ASIC1: variants seen among roughly 807,000 people sequenced by gnomAD.
ASIC1 encodes acid sensing ion channel subunit 1, also known as acid-sensing ion channel 1.
In ASIC1, 21 loss-of-function variants were observed where a neutral mutation model predicts 63.4. That is an observed-to-expected ratio of 0.33 (90% CI 0.23 to 0.48). ASIC1 has a LOEUF of 0.48. Ranked by LOEUF, ASIC1 falls within the 20% of genes least tolerant of loss-of-function variation. ASIC1 has a pLI of 0.99. For synonymous variants in ASIC1, 258 were observed against 278.2 expected, an observed-to-expected ratio of 0.93 and a Z score of 0.72; for missense variants, 478 against 695.5, an observed-to-expected ratio of 0.69 and a Z score of 3.52.
Position 50,078,365 on chromosome 12 carries a change from A to G in ASIC1, c.838-56A>G. 6.2e-7 allele frequency: 1 copy of G among 1,602,190 alleles called. No homozygotes were observed. ...CTGCATCTTGTCAGAGGAGTCCATC[A>G]AGCTGATTTGGGGAGAAGTCCCCGC... On this transcript the variant is annotated intron_variant, in intron 5 of 11. Transcript: ENST00000447966. This position sits in a 1 kb window ranked among gnomAD's most constrained non-coding sequence, Gnocchi z 6.0.
At chr12:50,061,664 G>A (rs1442430032) in intron 3 of ASIC1, among the ~76,000 whole-genome samples, 4 of 152,220 alleles carry the variant, frequency 2.6e-5, no homozygotes, top group Non-Finnish European at 4.4e-5. Flanking sequence ...GGAGAGAAGT[G>A]CTTGGCTCAA....
intron 3 of ASIC1, among the ~76,000 whole-genome samples, chr12:50,063,690 G>T (rs1487952687): frequency 6.6e-6 from 1 of 152,202 alleles, no homozygotes; most frequent in Non-Finnish European, 1.5e-5. Flanking sequence ...TTCTGAAGGG[G>T]CCCGGGCATC....
At chr12:50,062,184 C>T (rs1186613356) in intron 3 of ASIC1, among the ~76,000 whole-genome samples, 1 of 152,236 alleles carries the variant, frequency 6.6e-6, no homozygotes, top group Non-Finnish European at 1.5e-5. Context: ...ATGTCTGACA[C>T]CTCCCCGGTG....
chr12:50,080,089 G>C, intron 8 of ASIC1, 34 bp downstream of exon 8: 38 of 1,577,826 alleles, frequency 2.4e-5, no homozygotes, highest in Non-Finnish European at 3.3e-5. Flanking sequence ...CAAGGCCCTT[G>C]GGTTGGGACT....
At chr12:50,068,405 G>A (rs945068643) in intron 3 of ASIC1, among the ~76,000 whole-genome samples, 1 of 152,156 alleles carries the variant, frequency 6.6e-6, no homozygotes, top group Admixed American at 6.5e-5. Flanking sequence ...CTATGGTTAA[G>A]TCATAGGGTA....
In ASIC1 at chr12:50,075,495, C is replaced by T. The variant is rs189571041; in HGVS notation, c.559-1718C>T. ...CATGGGCATATGTCCAGCCTGGAGC[C>T]TGTGGCTGGGTGCCGCAAGACCTGG... On this transcript the variant is annotated intron_variant, in intron 3 of 11. Transcript: ENST00000447966. 9.6e-4 allele frequency among the ~76,000 whole-genome samples: 147 copies of T among 152,344 alleles called. 1 individual carries two copies. The highest frequency in any genetic ancestry group is 6.8e-3 in the Middle Eastern group (2 of 294).
Position 50,074,256 on chromosome 12 carries a change from C to T in ASIC1, c.559-2957C>T. ...ACAACTTCTCAGTGGTGAGTGGAGC[C>T]CCATGCCTGCCACAGTACCCCAAGA... On this transcript the variant is annotated intron_variant, in intron 3 of 11. Transcript: ENST00000447966. The surrounding 1 kb of genome is among the most constrained non-coding windows in gnomAD (Gnocchi z 4.2). 1 of 1,457,690 alleles carries T rather than the reference C, an allele frequency of 6.9e-7. No individual in the cohort carries two copies. The allele number at this position is 1,457,690 out of a possible 1,614,324, so 90.3% of individuals were successfully genotyped here.
rs61731226 is a variant in ASIC1 at position 50,077,326 on chromosome 12, C to T, written c.672C>T (p.Ile224=). 5.3e-3 allele frequency: 8,561 copies of T among 1,614,170 alleles called. 407 individuals carry two copies. In the African/African-American group the frequency reaches 0.1, roughly 19 times the overall value. ...TGNGLEIMLD[I]QQDEYLPVWG... Reference sequence around the variant, plus strand: ...ATGGGCTGGAAATCATGCTGGACATCCAGCAGGACGAGTACCTGCCTGTGT... The same window carrying T: ...ATGGGCTGGAAATCATGCTGGACATTCAGCAGGACGAGTACCTGCCTGTGT... Residue 224 remains isoleucine (I), a synonymous_variant, in exon 4 of 12, where the codon ATC becomes ATT. Coordinates refer to ENST00000447966, the MANE Select transcript of ASIC1 (RefSeq NM_001095.4).
chr12:50,071,190 G>A (rs1240698928), intron 3 of ASIC1, among the ~76,000 whole-genome samples: 1 of 152,102 alleles, frequency 6.6e-6, no homozygotes, highest in Non-Finnish European at 1.5e-5. Context: ...ACAGGACTGT[G>A]GATGAGCCTC....
At chr12:50,062,754 A>C (rs1202792803) in intron 3 of ASIC1, among the ~76,000 whole-genome samples, 3 of 152,158 alleles carry the variant, frequency 2.0e-5, no homozygotes, top group African/African-American at 7.2e-5. Context: ...GGTCACTCAA[A>C]GACCCCAGCT....
chr12:50,071,504 G>A (rs897047020), intron 3 of ASIC1, among the ~76,000 whole-genome samples: 3 of 151,494 alleles, frequency 2.0e-5, no homozygotes, highest in Non-Finnish European at 2.9e-5. Flanking sequence ...GGATGGTCTC[G>A]ATCTCCTGAC....
intron 11 of ASIC1, 53 bp downstream of exon 11, chr12:50,081,417 A>G (rs1332070716): frequency 3.1e-6 from 4 of 1,279,342 alleles, no homozygotes; most frequent in Non-Finnish European, 3.1e-6. Context: ...CCACCGCCCC[A>G]GGAACCCCGT....
In ASIC1 at chr12:50,077,403, G is replaced by A. The variant is rs765133174; in HGVS notation, c.709+40G>A. ...TCAGGGGCCCCTCTGCATGGCTCTA[G>A]GCCCCAGCCTCTGCCAGGGGATTCC... is the stretch of plus-strand genomic sequence containing the variant. On this transcript the variant is annotated intron_variant, in intron 4 of 11. Coordinates refer to ENST00000447966, the MANE Select transcript of ASIC1 (RefSeq NM_001095.4). 7.4e-6 allele frequency: 12 copies of A among 1,611,584 alleles called. No individual in the cohort carries two copies. The African/African-American group carries it at 1.3e-4, about 18-fold the overall frequency.
intron 7 of ASIC1, 70 bp from the exon 8 acceptor site, chr12:50,079,832 G>T: frequency 6.6e-7 from 1 of 1,525,928 alleles, no homozygotes; most frequent in Non-Finnish European, 8.9e-7. Context: ...GCAGAGCTAG[G>T]ATGTGCATGT....
At chr12:50,081,486 A>G in intron 11 of ASIC1, 59 bp from the exon 12 acceptor site, 9 of 1,158,250 alleles carry the variant, frequency 7.8e-6, no homozygotes, top group Non-Finnish European at 1.0e-5. Flanking sequence ...CGAATGCCCC[A>G]GCACTACCTG....
chr12:50,058,499 G>A (rs918740588), intron 1 of ASIC1, among the ~76,000 whole-genome samples: 8 of 152,174 alleles, frequency 5.3e-5, no homozygotes, highest in Non-Finnish European at 1.0e-4. Context: ...TATATCTGGG[G>A]TCTCCCCGGG....
At chr12:50,058,369 G>A (rs1190538649) in intron 1 of ASIC1, among the ~76,000 whole-genome samples, 2 of 152,206 alleles carry the variant, frequency 1.3e-5, no homozygotes, top group Non-Finnish European at 2.9e-5. Context: ...AGCCCATCTG[G>A]GTGAGTTTTC....
At chr12:50,069,987 T>A (rs918873299) in intron 3 of ASIC1, among the ~76,000 whole-genome samples, 4 of 152,168 alleles carry the variant, frequency 2.6e-5, no homozygotes, top group African/African-American at 9.7e-5. Flanking sequence ...TCAAACCTGC[T>A]TATTTCACTG....
At chr12:50,064,344 G>A (rs184960702) in intron 3 of ASIC1, among the ~76,000 whole-genome samples, 1 of 152,138 alleles carries the variant, frequency 6.6e-6, no homozygotes, top group East Asian at 1.9e-4. Flanking sequence ...CCTGGGTTGG[G>A]GTCTCAGATG....
Sources: gnomAD v4.1 joint callset for allele counts (sites outside exome capture counted in the v4.1 genomes callset) on GRCh38, gnomAD v4.1.1 for gene constraint, Gnocchi (gnomAD v3.1) non-coding constraint, MANE v1.5 for transcripts, NCBI Gene and HGNC (gene_info 2026-07-23, HGNC 2026-07-21) for gene names.